The following ATP11A variants were observed in gnomAD, a reference collection of about 807,000 sequenced individuals.
ATP11A encodes the protein phospholipid-transporting ATPase IH.
In ATP11A, 81 loss-of-function variants were observed where a neutral mutation model predicts 154.4. The observed-to-expected ratio is 0.52, with a 90% CI of 0.44 to 0.63. ATP11A has a LOEUF of 0.63. ATP11A is among the 30% of genes least tolerant of loss of function. ATP11A has a pLI of 0.00. For missense variants in ATP11A, 1,316 were observed against 1,474.3 expected, an observed-to-expected ratio of 0.89 and a Z score of 1.76; for synonymous variants, 623 against 585.9, an observed-to-expected ratio of 1.06 and a Z score of -0.91.
At chr13:112,740,142 CTCTCTCTA>C (rs745518203) in intron 1 of ATP11A, among the ~76,000 whole-genome samples, 9 of 104,458 alleles carry the variant, frequency 8.6e-5, no homozygotes, top group South Asian at 6.3e-4. Context: ...CTCTCTCTCT[CTCTCTCTA>C]TATATATATA....
Position 112,882,271 on chromosome 13 carries a change from G to A in ATP11A, c.*405G>A, listed in dbSNP as rs562051412. Reference sequence around the variant, plus strand: ...GCTGGCCCACCCTGCGCGCTGTCATGCAGAGGCCATTCCCCCAGGCCTGTG... The same window carrying A: ...GCTGGCCCACCCTGCGCGCTGTCATACAGAGGCCATTCCCCCAGGCCTGTG... On this transcript the variant is annotated 3_prime_UTR_variant, in exon 30 of 30. Transcript: ENST00000375645. The surrounding 1 kb of genome is among the most constrained non-coding windows in gnomAD (Gnocchi z 5.1). The A allele has an allele frequency of 8.7e-5, 44 of 506,178 alleles. 1 individual carries two copies. Among genetic ancestry groups the A allele is most frequent in the South Asian group, 4.8e-4 (25 of 52,172 alleles). The allele number at this position is 506,178 out of a possible 1,614,324, so 31.4% of individuals were successfully genotyped here. A position where few individuals can be genotyped will look rare whatever the true frequency, so the allele number is the denominator to read the frequency against.
intron 1 of ATP11A, among the ~76,000 whole-genome samples, chr13:112,771,739 A>G (rs282582): frequency 0.99 from 150,850 of 152,356 alleles, 74,688 homozygotes; most frequent in Middle Eastern, 1. Flanking sequence ...CCGCGGGCAC[A>G]CAGGCTCAAG....
intron 20 of ATP11A, 61 bp downstream of exon 20, chr13:112,856,146 C>A: frequency 4.6e-6 from 7 of 1,509,064 alleles, no homozygotes; most frequent in Non-Finnish European, 5.4e-6. Flanking sequence ...GAAAACCTTC[C>A]GTTAGGTCTC....
chr13:112,878,601 G>A (rs1200104782), intron 29 of ATP11A: 5 of 495,508 alleles, frequency 1.0e-5, no homozygotes, highest in African/African-American at 9.6e-5. Flanking sequence ...CTGGCCACAT[G>A]ACCCCTCACA....
In ATP11A at chr13:112,730,552, C is replaced by T. The variant is rs584576; in HGVS notation, c.39+40097C>T. ...AGGCATGGGACACACAGCCGCTTCC[C>T]AGGAAACTCCACAGCGTGAGCACCG... On this transcript the variant is annotated intron_variant, in intron 1 of 29. Coordinates refer to ENST00000375645, the MANE Select transcript of ATP11A (RefSeq NM_015205.3). Among the ~76,000 whole-genome samples the T allele has an allele frequency of 3.5e-3, 528 of 152,332 alleles. 5 individuals carry two copies. Among genetic ancestry groups the T allele is most frequent in the African/African-American group, 0.012 (504 of 41,574 alleles).
At chr13:112,858,397 A>G in intron 22 of ATP11A, 107 bp downstream of exon 22, 1 of 1,175,304 alleles carries the variant, frequency 8.5e-7, no homozygotes, top group Non-Finnish European at 1.2e-6. Flanking sequence ...TTGATCTCCG[A>G]GGAGCAGCAA....
chr13:112,886,416 T>C lies in ATP11A; in HGVS notation c.*4550T>C, dbSNP rs1345432403. 6.6e-6 allele frequency: 1 copy of C among 152,270 alleles called. No homozygotes were observed. Among genetic ancestry groups the C allele is most frequent in the Non-Finnish European group, 1.5e-5 (1 of 68,042 alleles). 9.4% of individuals were successfully genotyped at this position (152,270 alleles called of 1,614,324 possible). A position where few individuals can be genotyped will look rare whatever the true frequency, so the allele number is the denominator to read the frequency against. On this transcript the variant is annotated 3_prime_UTR_variant, in exon 30 of 30. Coordinates refer to ENST00000375645, the MANE Select transcript of ATP11A (RefSeq NM_015205.3). ...CCACTCTTATTTAATGTTAGTATTA[T>C]TTATTTGACAACTCAGTGTCTAACA...
At chr13:112,700,664 C>T (rs776254689) in intron 1 of ATP11A, among the ~76,000 whole-genome samples, 3 of 152,244 alleles carry the variant, frequency 2.0e-5, no homozygotes, top group Non-Finnish European at 2.9e-5. Context: ...GTCCCCACAT[C>T]GTTAATAATT....
In ATP11A at chr13:112,882,060, T is replaced by G. The variant is rs2080900301; in HGVS notation, c.*194T>G. ...CCTAGGTCCCGTGTGGGAATGCTCG[T>G]GTGATGGATGGTCCTAAGCCTGTGG... is the stretch of plus-strand genomic sequence containing the variant. On this transcript the variant is annotated 3_prime_UTR_variant, in exon 30 of 30. Transcript: ENST00000375645. This position sits in a 1 kb window ranked among gnomAD's most constrained non-coding sequence, Gnocchi z 5.1. 1 of 1,367,422 alleles carries G rather than the reference T, an allele frequency of 7.3e-7. No individual in the cohort carries two copies. The allele number at this position is 1,367,422 out of a possible 1,614,324, so 84.7% of individuals were successfully genotyped here.
intron 1 of ATP11A, among the ~76,000 whole-genome samples, chr13:112,731,946 G>GGGGGGGGGGGGGGC: frequency 7.1e-6 from 1 of 141,114 alleles, no homozygotes; most frequent in African/African-American, 2.8e-5. Context: ...GCGGGGGGGG[G>GGGGGGGGGGGGGGC]CAGGTGGCCC....
chr13:112,724,546 T>G (rs1008535470), intron 1 of ATP11A, among the ~76,000 whole-genome samples: 1 of 151,988 alleles, frequency 6.6e-6, no homozygotes, highest in African/African-American at 2.4e-5. Flanking sequence ...ATCCAGAGTT[T>G]CATCAGAGTC....
intron 1 of ATP11A, among the ~76,000 whole-genome samples, chr13:112,702,743 G>C (rs1243343461): frequency 6.6e-6 from 1 of 152,208 alleles, no homozygotes; most frequent in Non-Finnish European, 1.5e-5. Flanking sequence ...AGAGGAAGGC[G>C]GCCAGAGGCA....
At position 112,768,954 on chromosome 13, in the gene ATP11A, C is replaced by T. The variant is rs1305774644; in HGVS notation, c.40-16181C>T. ...CTTGTCTTCACCTGCAGTTCACTTG[C>T]GGGCAGTGGAGGCTGCACTGTGACG... On this transcript the variant is annotated intron_variant, in intron 1 of 29. Transcript: ENST00000375645. Among the ~76,000 whole-genome samples, 6 of 152,124 alleles carry T rather than the reference C, an allele frequency of 3.9e-5. No individual in the cohort carries two copies. In the South Asian group the frequency reaches 8.3e-4, roughly 21 times the overall value.
At chr13:112,818,885 CG>C (rs1445393697) in intron 6 of ATP11A, among the ~76,000 whole-genome samples, 2 of 152,198 alleles carry the variant, frequency 1.3e-5, no homozygotes, top group Admixed American at 6.5e-5. Context: ...CCAACAGCAA[CG>C]GGCACAGGCA....
At chr13:112,823,297 C>G in intron 8 of ATP11A, 48 bp from the exon 9 acceptor site, 3 of 1,502,908 alleles carry the variant, frequency 2.0e-6, no homozygotes, top group South Asian at 2.3e-5. Flanking sequence ...CCCGCCCTGC[C>G]CACTTGCCTT....
At chr13:112,840,879 C>T (rs981366363) in intron 16 of ATP11A, among the ~76,000 whole-genome samples, 2 of 152,150 alleles carry the variant, frequency 1.3e-5, no homozygotes, top group African/African-American at 4.8e-5. Context: ...CCCACCACCA[C>T]CCTGGGGACC....
intron 1 of ATP11A, among the ~76,000 whole-genome samples, chr13:112,711,153 G>A (rs899933638): frequency 2.6e-4 from 39 of 152,196 alleles, no homozygotes; most frequent in African/African-American, 8.7e-4. Flanking sequence ...GCTGGGCCGC[G>A]TGCGGCTCTT....
intron 1 of ATP11A, among the ~76,000 whole-genome samples, chr13:112,781,072 G>T (rs1051574537): frequency 6.6e-6 from 1 of 151,994 alleles, no homozygotes; most frequent in Non-Finnish European, 1.5e-5. Flanking sequence ...ACGGAGCCTC[G>T]GTCTGTCATC....
chr13:112,858,140 T>C lies in ATP11A; in HGVS notation c.2522-5T>C. The C allele has an allele frequency of 3.1e-6, 5 of 1,613,180 alleles. No individual in the cohort carries two copies. Among genetic ancestry groups the C allele is most frequent in the Non-Finnish European group, 4.2e-6 (5 of 1,179,522 alleles). On this transcript the variant is annotated splice_polypyrimidine_tract_variant and splice_region_variant and intron_variant, in intron 21 of 29. Coordinates refer to ENST00000375645, the MANE Select transcript of ATP11A (RefSeq NM_015205.3). ...TTCTTCAGCTCCTTCACCTCCGTCTTCTAGGTGTCATCGGCAAGGAAGGCC... is the reference window on the plus strand; with the variant it reads ...TTCTTCAGCTCCTTCACCTCCGTCTCCTAGGTGTCATCGGCAAGGAAGGCC...
Sources: allele counts gnomAD v4.1 joint callset (sites outside exome capture counted in the v4.1 genomes callset), GRCh38; gene constraint gnomAD v4.1.1; non-coding constraint Gnocchi (gnomAD v3.1); transcripts MANE v1.5; gene names NCBI Gene and HGNC (gene_info 2026-07-23, HGNC 2026-07-21).